HKDC1: variants seen among roughly 807,000 people sequenced by gnomAD.
HKDC1 encodes hexokinase HKDC1.
HKDC1 carries 66 observed loss-of-function variants against 96.6 expected under a neutral mutation model. The ratio of observed to expected loss-of-function variants is 0.68; its 90% CI spans 0.56 to 0.84. The LOEUF (loss-of-function observed/expected upper bound fraction) is 0.84, where lower values mean the gene tolerates loss of function less well. HKDC1 is among the 40% of genes least tolerant of loss of function. HKDC1 has a pLI of 0.00. For missense variants in HKDC1, 1,211 were observed against 1,208.1 expected, an observed-to-expected ratio of 1.00 and a Z score of -0.04; for synonymous variants, 466 against 473.1, an observed-to-expected ratio of 0.98 and a Z score of 0.20.
intron 15 of HKDC1, 109 bp from the exon 16 acceptor site, chr10:69,261,030 C>A: frequency 2.1e-6 from 2 of 958,524 alleles, no homozygotes; most frequent in Non-Finnish European, 3.2e-6. Context: ...TGTGGCAGAG[C>A]TAGGATCTGG....
At chr10:69,249,010 C>T (rs922537537) in intron 10 of HKDC1, 1 of 296,256 alleles carries the variant, frequency 3.4e-6, no homozygotes, top group Non-Finnish European at 6.2e-6. Context: ...AGTGTACCCC[C>T]CCCGACCCCC....
rs368695945 is a variant in HKDC1, at chr10:69,246,164, G to T, written c.961G>T (p.Gly321Cys). The change falls in exon 8 of 18, where the codon GGT becomes TGT. Residue 321 changes from glycine (G) to cysteine (C), a missense_variant. Transcript: ENST00000354624. ...GATGGCCAAGGCTGGCCTCCTGTTT[G>T]GTGGTGAGAAATCTTCTGCTCTCCA... ...LKMAKAGLLF[G>C]GEKSSALHTK... The T allele has an allele frequency of 6.2e-7, 1 of 1,614,118 alleles. No individual in the cohort carries two copies. The highest frequency in any genetic ancestry group is 8.5e-7 in the Non-Finnish European group (1 of 1,180,054).
intron 5 of HKDC1, among the ~76,000 whole-genome samples, chr10:69,240,227 C>T (rs181075016): frequency 6.6e-6 from 1 of 152,288 alleles, no homozygotes; most frequent in Non-Finnish European, 1.5e-5. Context: ...AGGAGGATCA[C>T]GTGAGCCCAG....
At chr10:69,246,277 G>A in intron 8 of HKDC1, 43 bp downstream of exon 8, 2 of 1,603,610 alleles carry the variant, frequency 1.2e-6, no homozygotes, top group East Asian at 4.5e-5. Flanking sequence ...GGGCTGGGAT[G>A]GGAGGCCCAG....
chr10:69,228,470 C>T (rs1843197417), intron 2 of HKDC1, among the ~76,000 whole-genome samples: 1 of 152,080 alleles, frequency 6.6e-6, no homozygotes. Flanking sequence ...GGGTGGGGGA[C>T]ATTATTTTGC....
chr10:69,265,691 C>T lies in HKDC1; in HGVS notation c.2479C>T (p.Arg827Trp), dbSNP rs138235256. Residue 827 changes from arginine to tryptophan, a missense_variant, in exon 17 of 18, where the codon CGG becomes TGG. By Grantham distance (101) the Arg-to-Trp change is moderately radical. Transcript: ENST00000354624. ...GAAGGAGGTGTGCGGAGCCGTGTCC[C>T]GGCGGGCGGCCCAGCTCTGCGGTGC... ...VVKEVCGAVS[R>W]RAAQLCGAGL... 8,557 of 1,613,436 alleles carry T rather than the reference C, an allele frequency of 5.3e-3. 32 individuals are homozygous for T. The highest frequency in any genetic ancestry group is 6.5e-3 in the Non-Finnish European group (7,690 of 1,179,820).
chr10:69,255,269 T>C (rs1176429157), intron 12 of HKDC1, among the ~76,000 whole-genome samples: 1 of 152,240 alleles, frequency 6.6e-6, no homozygotes, highest in Non-Finnish European at 1.5e-5. Context: ...TTTGTGTAAT[T>C]GCAATCAGTA....
intron 1 of HKDC1, chr10:69,222,819 C>T (rs1221032576): frequency 6.6e-6 from 1 of 152,208 alleles, no homozygotes; most frequent in Non-Finnish European, 1.5e-5. Flanking sequence ...TGGTTTATGG[C>T]TGCTGGGCTG....
chr10:69,228,882 GGAA>G (rs1843203477), intron 2 of HKDC1, among the ~76,000 whole-genome samples: 1 of 138,548 alleles, frequency 7.2e-6, no homozygotes, highest in African/African-American at 2.8e-5. Context: ...AAGAAAGAAA[GGAA>G]GAAGAAAGAA....
At chr10:69,245,983 T>C (rs1206257062) in intron 7 of HKDC1, 96 bp from the exon 8 acceptor site, 6 of 1,467,900 alleles carry the variant, frequency 4.1e-6, no homozygotes, top group South Asian at 3.7e-5. Flanking sequence ...CCCTCTCCCA[T>C]GTGCTCCTTC....
At chr10:69,249,259 G>T (rs758701402) in intron 10 of HKDC1, among the ~76,000 whole-genome samples, 25 of 152,230 alleles carry the variant, frequency 1.6e-4, no homozygotes, top group Non-Finnish European at 2.9e-4. Flanking sequence ...TGAATCTCAC[G>T]AGACTCTTCC....
intron 2 of HKDC1, chr10:69,232,290 G>A (rs4746827): frequency 0.39 from 64,819 of 166,818 alleles, 13,099 homozygotes; most frequent in South Asian, 0.46. Flanking sequence ...CCCTCCAGGA[G>A]TGTTTTCCCT....
At chr10:69,254,172 G>A (rs960323764) in intron 12 of HKDC1, among the ~76,000 whole-genome samples, 1 of 152,300 alleles carries the variant, frequency 6.6e-6, no homozygotes, top group South Asian at 2.1e-4. Flanking sequence ...GGGTATGGTG[G>A]CGGGTGCCTG....
intron 12 of HKDC1, among the ~76,000 whole-genome samples, chr10:69,254,859 A>G (rs140880044): frequency 6.6e-6 from 1 of 152,378 alleles, no homozygotes; most frequent in East Asian, 1.9e-4. Context: ...AAAGAAAAAA[A>G]TACTAATAAA....
intron 16 of HKDC1, among the ~76,000 whole-genome samples, chr10:69,264,352 G>A (rs182284672): frequency 1.6e-3 from 244 of 151,354 alleles, no homozygotes; most frequent in African/African-American, 4.6e-3. Context: ...TTTCCATGGT[G>A]TGAAATATTC....
Position 69,267,471 on chromosome 10 carries a change from G to T in HKDC1, c.*714G>T, listed in dbSNP as rs1156626767. 8.8e-6 allele frequency: 4 copies of T among 455,758 alleles called. No homozygotes were observed. The highest frequency in any genetic ancestry group is 1.8e-5 in the Non-Finnish European group (4 of 226,910). The allele number at this position is 455,758 out of a possible 1,614,324, so 28.2% of individuals were successfully genotyped here. ...TTTCATTTTGCCTGTGGTTTGTGTT[G>T]CAGGTGTTGATAGTTGTTTTAAGGA... On this transcript the variant is annotated 3_prime_UTR_variant, in exon 18 of 18. Coordinates refer to ENST00000354624, the MANE Select transcript of HKDC1 (RefSeq NM_025130.4).
chr10:69,264,098 C>T (rs1170634409), intron 16 of HKDC1, among the ~76,000 whole-genome samples: 4 of 151,926 alleles, frequency 2.6e-5, no homozygotes, highest in African/African-American at 7.3e-5. Flanking sequence ...GCGGGTGAGC[C>T]GACATCATTG....
At chr10:69,226,213 T>A (rs1246268106) in intron 1 of HKDC1, among the ~76,000 whole-genome samples, 1 of 152,230 alleles carries the variant, frequency 6.6e-6, no homozygotes, top group Non-Finnish European at 1.5e-5. Context: ...TAGTGATTTG[T>A]ATAACTTCCC....
Position 69,243,291 on chromosome 10 carries a change from CG to C in HKDC1, c.805del (p.Ala269ProfsTer28). ...NTEWGAFGDDGALEDIRTEFD... is the reference protein window; with the variant it reads ...NTEWGAFGDDXALEDIRTEFD... Reference sequence around the variant, plus strand: ...CAGAGTGGGGGGCCTTCGGGGACGACGGGGCCCTGGAGGACATTCGCACTGA... The same window carrying C: ...CAGAGTGGGGGGCCTTCGGGGACGACGGGCCCTGGAGGACATTCGCACTGA... On this transcript the variant is annotated frameshift_variant, in exon 7 of 18. Coordinates refer to ENST00000354624, the MANE Select transcript of HKDC1 (RefSeq NM_025130.4). LOFTEE classifies it high-confidence loss of function. 6.2e-7 allele frequency: 1 copy of C among 1,613,716 alleles called. No individual in the cohort carries two copies. The highest frequency in any genetic ancestry group is 8.5e-7 in the Non-Finnish European group (1 of 1,179,804).
Sources: gnomAD v4.1 joint callset for allele counts (sites outside exome capture counted in the v4.1 genomes callset) on GRCh38, gnomAD v4.1.1 for gene constraint, MANE v1.5 for transcripts, NCBI Gene and HGNC (gene_info 2026-07-23, HGNC 2026-07-21) for gene names.